IL1RAPL1: variants seen among roughly 807,000 people sequenced by gnomAD.
The protein encoded by IL1RAPL1 is interleukin 1 receptor accessory protein like 1.
A neutral mutation model predicts 48.4 loss-of-function variants in IL1RAPL1; 3 were observed. The observed-to-expected ratio is 0.06, with a 90% confidence interval of 0.03 to 0.16. The LOEUF is 0.16. Among genes scored for constraint, IL1RAPL1 ranks in the 10% least tolerant of loss-of-function variants. IL1RAPL1 has a pLI of 1.00. For missense variants in IL1RAPL1, 349 were observed against 530.6 expected (o/e 0.66, Z 3.36); for synonymous variants, 185 against 187.7 (o/e 0.99, Z 0.12).
intron 2 of IL1RAPL1, among the ~76,000 whole-genome samples, chrX:29,153,390 T>G (rs1035431611): frequency 1.8e-5 from 2 of 111,769 alleles, no homozygotes; most frequent in Non-Finnish European, 3.8e-5. Context: ...AGGCCATTAT[T>G]CTGCCTACCA....
intron 2 of IL1RAPL1, among the ~76,000 whole-genome samples, chrX:28,873,186 C>CT (rs1312121715): frequency 1.0e-5 from 1 of 99,616 alleles, no homozygotes; most frequent in East Asian, 3.3e-4. Context: ...TCTCGGCTCA[C>CT]TGCAACGTCC....
intron 6 of IL1RAPL1, among the ~76,000 whole-genome samples, chrX:29,795,698 G>A (rs1011995615): frequency 8.8e-6 from 1 of 113,040 alleles, no homozygotes; most frequent in African/African-American, 3.2e-5. Context: ...GGCATGAGCC[G>A]CTGGGGCTGG....
chrX:28,716,752 T>G (rs1255778323), intron 1 of IL1RAPL1, among the ~76,000 whole-genome samples: 1 of 110,902 alleles, frequency 9.0e-6, no homozygotes, highest in Non-Finnish European at 1.9e-5. Context: ...AGAGAAAAAT[T>G]TTTGCAAACT....
chrX:29,803,198 T>G (rs1298231042), intron 6 of IL1RAPL1, among the ~76,000 whole-genome samples: 1 of 21,708 alleles, frequency 4.6e-5, no homozygotes, highest in Admixed American at 3.7e-4. Flanking sequence ...TATGTATACA[T>G]ATACACACAT....
intron 2 of IL1RAPL1, among the ~76,000 whole-genome samples, chrX:28,820,111 A>T (rs1221992305): frequency 9.7e-6 from 1 of 102,725 alleles, no homozygotes. Context: ...TACCTACTCA[A>T]ATTATCCTTT....
intron 6 of IL1RAPL1, among the ~76,000 whole-genome samples, chrX:29,758,804 AAAAC>A (rs750927832): frequency 4.1e-4 from 46 of 111,735 alleles, no homozygotes; most frequent in East Asian, 2.2e-3. Flanking sequence ...ACAAAAAAAC[AAAAC>A]AAACAAACAA....
intron 3 of IL1RAPL1, among the ~76,000 whole-genome samples, chrX:29,377,532 A>C (rs1933639421): frequency 8.9e-6 from 1 of 111,853 alleles, no homozygotes; most frequent in Non-Finnish European, 1.9e-5. Context: ...TCCCTTAAGG[A>C]CCTCTTATGA....
intron 6 of IL1RAPL1, among the ~76,000 whole-genome samples, chrX:29,679,655 C>A (rs1926391543): frequency 8.9e-6 from 1 of 111,889 alleles, no homozygotes; most frequent in African/African-American, 3.2e-5. Context: ...TTAAAAAAAA[C>A]CCTGTCTCTA....
chrX:29,056,255 A>G (rs1927211346), intron 2 of IL1RAPL1, among the ~76,000 whole-genome samples: 1 of 111,474 alleles, frequency 9.0e-6, no homozygotes, highest in African/African-American at 3.3e-5. Flanking sequence ...TCAAGTTTGT[A>G]CCTGAGGATA....
intron 2 of IL1RAPL1, among the ~76,000 whole-genome samples, chrX:29,099,366 GTTTGA>G (rs1420618418): frequency 1.8e-5 from 2 of 111,817 alleles, no homozygotes; most frequent in Non-Finnish European, 3.8e-5. Context: ...AATCAATTAT[GTTTGA>G]TTATTAATAA....
chrX:29,714,745 T>C (rs1927437345), intron 6 of IL1RAPL1, among the ~76,000 whole-genome samples: 1 of 111,750 alleles, frequency 8.9e-6, no homozygotes. Flanking sequence ...ATGGAAGAGT[T>C]GCCATTGACT....
At chrX:29,199,760 C>T (rs1407371513) in intron 2 of IL1RAPL1, among the ~76,000 whole-genome samples, 1 of 111,697 alleles carries the variant, frequency 9.0e-6, no homozygotes, top group African/African-American at 3.3e-5. Flanking sequence ...CCCTGGTCTG[C>T]GGCCTTGGGG....
intron 6 of IL1RAPL1, among the ~76,000 whole-genome samples, chrX:29,726,865 A>C (rs954067677): frequency 1.1e-4 from 12 of 111,717 alleles, no homozygotes; most frequent in Admixed American, 9.5e-4. Context: ...GGAAAAAGAA[A>C]ACAATAACAA....
intron 5 of IL1RAPL1, among the ~76,000 whole-genome samples, chrX:29,518,884 C>T (rs1935475153): frequency 8.9e-6 from 1 of 111,743 alleles, no homozygotes; most frequent in Admixed American, 9.5e-5. Flanking sequence ...AGCAGTGAGA[C>T]CAGTTAGGAG....
chrX:28,620,648 A>G (rs1306681651), intron 1 of IL1RAPL1, among the ~76,000 whole-genome samples: 1 of 111,796 alleles, frequency 8.9e-6, no homozygotes, highest in Non-Finnish European at 1.9e-5. Flanking sequence ...AGCCTGATTT[A>G]TCCCCTTTTG....
At chrX:29,912,484 G>C (rs886184698) in intron 6 of IL1RAPL1, among the ~76,000 whole-genome samples, 1 of 111,857 alleles carries the variant, frequency 8.9e-6, no homozygotes, top group African/African-American at 3.2e-5. Flanking sequence ...TGCTGGGCTA[G>C]ATATGTGAGC....
intron 5 of IL1RAPL1, among the ~76,000 whole-genome samples, chrX:29,576,482 C>A (rs1194730078): frequency 8.9e-6 from 1 of 111,844 alleles, no homozygotes; most frequent in Non-Finnish European, 1.9e-5. Context: ...GTTTGAGAAA[C>A]CCCTGGAACA....
intron 3 of IL1RAPL1, among the ~76,000 whole-genome samples, chrX:29,390,100 A>G (rs1269933573): frequency 8.9e-6 from 1 of 112,705 alleles, no homozygotes; most frequent in Non-Finnish European, 1.9e-5. Flanking sequence ...CTTTCAAAGT[A>G]TATTTAAGGT....
At chrX:29,421,316 C>A (rs921392832) in intron 5 of IL1RAPL1, among the ~76,000 whole-genome samples, 1 of 110,605 alleles carries the variant, frequency 9.0e-6, no homozygotes, top group Non-Finnish European at 1.9e-5. Context: ...CCTCACCAAA[C>A]GAATCCCAGG....
Sources: allele counts gnomAD v4.1 joint callset (sites outside exome capture counted in the v4.1 genomes callset), GRCh38; gene constraint gnomAD v4.1.1; transcripts MANE v1.5; gene names NCBI Gene and HGNC (gene_info 2026-07-23, HGNC 2026-07-21).